Variants in SLC6A5 observed in about 807,000 individuals in gnomAD.
SLC6A5 encodes sodium- and chloride-dependent glycine transporter 2.
A neutral mutation model predicts 90.5 loss-of-function variants in SLC6A5; 58 were observed. That is an observed-to-expected ratio of 0.64 (90% CI 0.52 to 0.80). The LOEUF is 0.80. Among genes scored for constraint, SLC6A5 ranks in the 30% least tolerant of loss-of-function variants. The probability of loss-of-function intolerance (pLI) is 0.00; values close to 1 mark genes in which losing one functional copy is unlikely to be tolerated. For missense variants in SLC6A5, 1,015 were observed against 1,017.6 expected, an observed-to-expected ratio of 1.00 and a Z score of 0.03; for synonymous variants, 427 against 401.4, an observed-to-expected ratio of 1.06 and a Z score of -0.76.
intron 5 of SLC6A5, among the ~76,000 whole-genome samples, chr11:20,613,021 T>G (rs1852721950): frequency 1.3e-5 from 2 of 152,240 alleles, no homozygotes; most frequent in Non-Finnish European, 2.9e-5. Context: ...TTTTATGCCT[T>G]CCTCATTTGT....
At chr11:20,641,464 T>C (rs1853312449) in intron 13 of SLC6A5, among the ~76,000 whole-genome samples, 1 of 152,138 alleles carries the variant, frequency 6.6e-6, no homozygotes, top group Non-Finnish European at 1.5e-5. Flanking sequence ...TCCTGATGGC[T>C]GAACTCAGCA....
intron 11 of SLC6A5, 107 bp from the exon 12 acceptor site, chr11:20,637,065 A>C (rs1853221554): frequency 8.0e-7 from 1 of 1,251,974 alleles, no homozygotes; most frequent in Non-Finnish European, 1.2e-6. Context: ...CTAAAAACCA[A>C]ACCTAACACA....
intron 7 of SLC6A5, among the ~76,000 whole-genome samples, chr11:20,621,241 T>C (rs2133792123): frequency 6.6e-6 from 1 of 152,342 alleles, no homozygotes. Flanking sequence ...GAATCTGCAT[T>C]TCTACCCAGT....
intron 2 of SLC6A5, among the ~76,000 whole-genome samples, chr11:20,602,755 G>C (rs912258813): frequency 2.5e-4 from 38 of 152,314 alleles, no homozygotes; most frequent in African/African-American, 8.2e-4. Context: ...GGAGCTTGTG[G>C]TGTCAGAACT....
intron 13 of SLC6A5, among the ~76,000 whole-genome samples, chr11:20,644,458 C>A (rs1853371999): frequency 1.3e-5 from 2 of 152,212 alleles, no homozygotes; most frequent in African/African-American, 4.8e-5. Context: ...GTATGTACAC[C>A]ACACATTTAT....
At chr11:20,627,265 G>T in intron 8 of SLC6A5, among the ~76,000 whole-genome samples, 1 of 152,210 alleles carries the variant, frequency 6.6e-6, no homozygotes, top group African/African-American at 2.4e-5. Flanking sequence ...GAATACTTTT[G>T]TGCACCCACA....
chr11:20,631,161 A>G (rs1853102681), intron 10 of SLC6A5, among the ~76,000 whole-genome samples: 2 of 152,246 alleles, frequency 1.3e-5, no homozygotes, highest in Admixed American at 1.3e-4. Flanking sequence ...CCATTGCCTC[A>G]GGAGCTGATG....
rs893663412 is a variant in SLC6A5 at position 20,655,673 on chromosome 11, A to T, written c.*805A>T. On this transcript the variant is annotated 3_prime_UTR_variant, in exon 16 of 16. Coordinates refer to ENST00000525748, the MANE Select transcript of SLC6A5 (RefSeq NM_004211.5). ...ACGTTCATAGTAGAGCTCCATGCTC[A>T]TTTCTACATGATATTTAGCACCATG... is the stretch of plus-strand genomic sequence containing the variant. 1 of 152,254 alleles carries T rather than the reference A, an allele frequency of 6.6e-6. No homozygotes were observed. The highest frequency in any genetic ancestry group is 1.9e-4 in the East Asian group (1 of 5,192). 9.4% of individuals were successfully genotyped at this position (152,254 alleles called of 1,614,324 possible).
intron 13 of SLC6A5, among the ~76,000 whole-genome samples, chr11:20,646,179 C>T (rs562391085): frequency 2.8e-4 from 43 of 152,260 alleles, no homozygotes; most frequent in African/African-American, 8.4e-4. Flanking sequence ...GCAGGGATGG[C>T]GGTTGTCTAG....
At chr11:20,653,035 A>G (rs1449424868) in intron 15 of SLC6A5, among the ~76,000 whole-genome samples, 2 of 152,158 alleles carry the variant, frequency 1.3e-5, no homozygotes, top group East Asian at 3.8e-4. Context: ...GCTGGACCCA[A>G]TTCCCATCTC....
At chr11:20,645,826 G>A (rs1404671657) in intron 13 of SLC6A5, among the ~76,000 whole-genome samples, 4 of 151,982 alleles carry the variant, frequency 2.6e-5, no homozygotes, top group Non-Finnish European at 5.9e-5. Flanking sequence ...TAGTAGGGAC[G>A]GGGTTTCACC....
At chr11:20,650,223 G>A (rs1002239101) in intron 14 of SLC6A5, among the ~76,000 whole-genome samples, 4 of 152,202 alleles carry the variant, frequency 2.6e-5, no homozygotes, top group African/African-American at 9.7e-5. Flanking sequence ...TACAGGCAGG[G>A]TGAATACAGG....
In SLC6A5 at chr11:20,654,922, C is replaced by T. The variant is rs1192683925; in HGVS notation, c.*54C>T. ...ATCCTGTTTTTCCTCTCTGCCTCCT[C>T]CTAATGTTTTCCATAGCTCTCCTCC... On this transcript the variant is annotated 3_prime_UTR_variant, in exon 16 of 16. Coordinates refer to ENST00000525748, the MANE Select transcript of SLC6A5 (RefSeq NM_004211.5). 21 of 1,560,484 alleles carry T rather than the reference C, an allele frequency of 1.3e-5. No homozygotes were observed. In the Admixed American group the frequency reaches 3.5e-4, roughly 26 times the overall value.
chr11:20,637,301 C>A lies in SLC6A5; in HGVS notation c.1867C>A (p.Gln623Lys), dbSNP rs1332758930. The change falls in exon 12 of 16, where the codon CAG becomes AAG. Residue 623 changes from glutamine (Q) to lysine (K), a missense_variant and splice_region_variant. Transcript: ENST00000525748. ...CATCATGGGTTTTCCAATGATCACTCAGGTAAGCTGCCTCCTAGGCACAGG... is the reference window on the plus strand; with the variant it reads ...CATCATGGGTTTTCCAATGATCACTAAGGTAAGCTGCCTCCTAGGCACAGG... ...FFIMGFPMIT[Q>K]GGIYMFQLVD... 14 of 1,613,084 alleles carry A rather than the reference C, an allele frequency of 8.7e-6. No homozygotes were observed. The highest frequency in any genetic ancestry group is 1.1e-5 in the Non-Finnish European group (13 of 1,179,486).
At chr11:20,611,190 C>T (rs1295036223) in intron 5 of SLC6A5, among the ~76,000 whole-genome samples, 1 of 152,312 alleles carries the variant, frequency 6.6e-6, no homozygotes, top group African/African-American at 2.4e-5. Context: ...AGCAGGGGCT[C>T]ATGCCTGTAA....
chr11:20,602,761 G>C (rs935986575), intron 2 of SLC6A5, among the ~76,000 whole-genome samples: 2 of 152,206 alleles, frequency 1.3e-5, no homozygotes, highest in African/African-American at 4.8e-5. Context: ...TGTGGTGTCA[G>C]AACTAGAAAT....
At chr11:20,650,697 C>A (rs796603136) in intron 14 of SLC6A5, among the ~76,000 whole-genome samples, 1 of 135,450 alleles carries the variant, frequency 7.4e-6, no homozygotes, top group Non-Finnish European at 1.5e-5. Flanking sequence ...GATGGAGTCT[C>A]GCTCTGTCGC....
rs2133800193 is a variant in SLC6A5, at chr11:20,628,067, CACA to C, written c.1489_1491del (p.Asn497del). ...CACTCTCTCTTCTTACAACAAATTCCACAACAACTGCTACAGGTATGTAGAGGT... is the reference window on the plus strand; with the variant it reads ...CACTCTCTCTTCTTACAACAAATTCCACAACTGCTACAGGTATGTAGAGGT... On this transcript the variant is annotated inframe_deletion, in exon 9 of 16. Transcript: ENST00000525748. 1 of 1,613,642 alleles carries C rather than the reference CACA, an allele frequency of 6.2e-7. No homozygotes were observed. The highest frequency in any genetic ancestry group is 8.5e-7 in the Non-Finnish European group (1 of 1,179,562).
chr11:20,601,391 C>A lies in SLC6A5; in HGVS notation c.266C>A (p.Ala89Glu), dbSNP rs61736602. Residue 89 changes from alanine (A) to glutamate (E), a missense_variant, in exon 2 of 16, where the codon GCG becomes GAG. Around this residue, in one of 3 missense-constraint regions of SLC6A5, gnomAD observed 567 missense variants for 507.3 expected, o/e 1.12. Coordinates refer to ENST00000525748, the MANE Select transcript of SLC6A5 (RefSeq NM_004211.5). ...AAACTCAGTAGCCCGCGGGCGCAGG[C>A]GGCCTCTGCAGCTCTGCGGGACTTG... is the stretch of plus-strand genomic sequence containing the variant. Reference protein sequence around the residue: ...SCKLSSPRAQAASAALRDLRE... With the variant: ...SCKLSSPRAQEASAALRDLRE... 0.028 allele frequency: 44,577 copies of A among 1,603,806 alleles called. 739 individuals are homozygous for A. The highest frequency in any genetic ancestry group is 0.033 in the Non-Finnish European group (38,530 of 1,176,138).
Sources: allele counts gnomAD v4.1 joint callset (sites outside exome capture counted in the v4.1 genomes callset), GRCh38; gene constraint gnomAD v4.1.1; regional missense constraint gnomAD v4.1.1; transcripts MANE v1.5; gene names NCBI Gene and HGNC (gene_info 2026-07-23, HGNC 2026-07-21).